EIF2AK4: variants seen among roughly 807,000 people sequenced by gnomAD.
EIF2AK4 encodes the protein eukaryotic translation initiation factor 2 alpha kinase 4, also known as eIF-2-alpha kinase GCN2.
In EIF2AK4, 139 loss-of-function variants were observed where a neutral mutation model predicts 211.1. The ratio of observed to expected loss-of-function variants is 0.66; its 90% CI spans 0.57 to 0.76. EIF2AK4 has a LOEUF of 0.76. Among genes scored for constraint, EIF2AK4 ranks in the 30% least tolerant of loss-of-function variants. EIF2AK4 has a pLI of 0.00. For missense variants in EIF2AK4, 1,664 were observed against 2,043.8 expected (o/e 0.81, Z 3.58); for synonymous variants, 710 against 751.3 (o/e 0.94, Z 0.90).
intron 27 of EIF2AK4, among the ~76,000 whole-genome samples, chr15:40,015,636 G>A (rs1287885035): frequency 3.9e-5 from 6 of 152,096 alleles, no homozygotes. Flanking sequence ...AAGATTATAG[G>A]AGGTTTTAAC....
chr15:39,953,834 G>A (rs1325373644), intron 4 of EIF2AK4, 70 bp from the exon 5 acceptor site: 3 of 1,452,786 alleles, frequency 2.1e-6, no homozygotes, highest in African/African-American at 2.8e-5. Context: ...AGATTTTTCT[G>A]TAGTTCCATA....
Position 39,955,676 on chromosome 15 carries a change from A to T in EIF2AK4, c.651A>T (p.Pro217=), listed in dbSNP as rs763425321. 24 of 1,613,286 alleles carry T rather than the reference A, an allele frequency of 1.5e-5. No homozygotes were observed. The highest frequency in any genetic ancestry group is 1.9e-5 in the Non-Finnish European group (22 of 1,179,808). ...AAGATCATACCTCTAAGAAGGACCCAGGAGGACACAGAACGGCTGCCATTC... is the reference window on the plus strand; with the variant it reads ...AAGATCATACCTCTAAGAAGGACCCTGGAGGACACAGAACGGCTGCCATTC... The part of the protein sequence containing the change: ...SNQDHTSKKD[P]GGHRTAAILH... Residue 217 remains proline, a synonymous_variant, in exon 6 of 39, where the codon CCA becomes CCT. Transcript: ENST00000263791.
chr15:39,952,812 A>G (rs2034338163), intron 4 of EIF2AK4, among the ~76,000 whole-genome samples: 1 of 151,816 alleles, frequency 6.6e-6, no homozygotes. Context: ...TAGCCTAGTT[A>G]TTGTTGGGAG....
In EIF2AK4 at chr15:40,011,294, C is replaced by T. The variant is rs372621513; in HGVS notation, c.3707C>T (p.Thr1236Met). The T allele has an allele frequency of 1.3e-4, 215 of 1,613,732 alleles. 2 individuals are homozygous for T. The South Asian group carries it at 1.7e-3, about 12-fold the overall frequency. ...CTTCCACGTTAGACAGAGAAGCTGA[C>T]GAGGAGAGAAGTGGAAGCTAAATTT... Reference protein sequence around the residue: ...ILYDAVTEKLTRREVEAKFCN... With the variant: ...ILYDAVTEKLMRREVEAKFCN... Residue 1236 changes from threonine to methionine, a missense_variant, in exon 27 of 39, where the codon ACG (threonine) becomes ATG (methionine). Thr to Met is a moderately conservative substitution (Grantham distance 81, BLOSUM62 -1). Around this residue, in one of 7 missense-constraint regions of EIF2AK4, gnomAD observed 622 missense variants for 796.8 expected, o/e 0.78. Coordinates refer to ENST00000263791, the MANE Select transcript of EIF2AK4 (RefSeq NM_001013703.4).
chr15:40,010,659 G>T (rs2035223165), intron 26 of EIF2AK4, among the ~76,000 whole-genome samples: 1 of 152,164 alleles, frequency 6.6e-6, no homozygotes, highest in African/African-American at 2.4e-5. Context: ...AGTAGTGGAA[G>T]TCCTCACATA....
At chr15:40,023,016 C>T (rs140665504) in intron 32 of EIF2AK4, among the ~76,000 whole-genome samples, 21 of 152,200 alleles carry the variant, frequency 1.4e-4, no homozygotes, top group East Asian at 5.8e-4. Context: ...GGTCAGCCAC[C>T]GCGCCCGGCC....
At chr15:39,942,679 G>T (rs747990482) in intron 2 of EIF2AK4, among the ~76,000 whole-genome samples, 1 of 152,206 alleles carries the variant, frequency 6.6e-6, no homozygotes, top group African/African-American at 2.4e-5. Context: ...ATGTCCTTGA[G>T]TTGAAAGTGT....
chr15:40,025,307 G>A (rs901827580), intron 32 of EIF2AK4, among the ~76,000 whole-genome samples: 3 of 152,244 alleles, frequency 2.0e-5, no homozygotes, highest in Non-Finnish European at 4.4e-5. Context: ...AGTTATTGGG[G>A]AGGCCCCGAA....
intron 27 of EIF2AK4, among the ~76,000 whole-genome samples, chr15:40,015,124 AAAC>A (rs2035287346): frequency 6.6e-6 from 1 of 152,190 alleles, no homozygotes; most frequent in African/African-American, 2.4e-5. Context: ...AGGAAGTTCC[AAAC>A]TTTCCCCCAT....
chr15:39,943,351 C>CTTTTTTTTTTTTTT, intron 2 of EIF2AK4, 32 bp from the exon 3 acceptor site: 1 of 863,056 alleles, frequency 1.2e-6, no homozygotes, highest in Non-Finnish European at 1.6e-6. Context: ...TGGAGTAACT[C>CTTTTTTTTTTTTTT]TTTTTTTTTT....
At position 39,997,010 on chromosome 15, in the gene EIF2AK4, A is replaced by G. The variant is rs780527946; in HGVS notation, c.2813A>G (p.Tyr938Cys). ...GGAATTATCTTCTTTGAGATGTCCT[A>G]TCACCCCATGGTCACGGCTTCAGAA... ...SLGIIFFEMSYHPMVTASERI... is the reference protein window; with the variant it reads ...SLGIIFFEMSCHPMVTASERI... The change falls in exon 19 of 39, where the codon TAT becomes TGT. Residue 938 changes from tyrosine to cysteine, a missense_variant. Around this residue, in one of 7 missense-constraint regions of EIF2AK4, gnomAD observed 622 missense variants for 796.8 expected, o/e 0.78. Coordinates refer to ENST00000263791, the MANE Select transcript of EIF2AK4 (RefSeq NM_001013703.4). 2 of 1,614,056 alleles carry G rather than the reference A, an allele frequency of 1.2e-6. No individual in the cohort carries two copies. The highest frequency in any genetic ancestry group is 1.7e-6 in the Non-Finnish European group (2 of 1,179,964).
At chr15:39,948,752 T>C (rs2917837) in intron 3 of EIF2AK4, among the ~76,000 whole-genome samples, 37 of 152,382 alleles carry the variant, frequency 2.4e-4, no homozygotes, top group African/African-American at 8.4e-4. Flanking sequence ...GTTGGGAAGA[T>C]AGCTTTTACT....
chr15:39,964,386 G>T (rs1398047954), intron 7 of EIF2AK4, among the ~76,000 whole-genome samples: 2 of 152,134 alleles, frequency 1.3e-5, no homozygotes, highest in South Asian at 2.1e-4. Flanking sequence ...ATATATCGGG[G>T]TTATCAGCTG....
At chr15:39,979,537 C>G (rs1319620806) in intron 13 of EIF2AK4, among the ~76,000 whole-genome samples, 2 of 152,168 alleles carry the variant, frequency 1.3e-5, no homozygotes, top group Non-Finnish European at 2.9e-5. Context: ...AAGAGGGGAG[C>G]TTGTCAAGTG....
chr15:39,996,391 A>T (rs1174218007), intron 18 of EIF2AK4, among the ~76,000 whole-genome samples: 1 of 152,206 alleles, frequency 6.6e-6, no homozygotes, highest in Admixed American at 6.5e-5. Flanking sequence ...CTGTGGATAC[A>T]ACTAAACCAG....
chr15:40,020,058 T>C (rs1334672890), intron 30 of EIF2AK4, among the ~76,000 whole-genome samples: 2 of 151,458 alleles, frequency 1.3e-5, no homozygotes, highest in Non-Finnish European at 2.9e-5. Flanking sequence ...TTCCAGCTAC[T>C]CAGGAGGCTG....
At chr15:39,968,358 A>C (rs995106639) in intron 9 of EIF2AK4, among the ~76,000 whole-genome samples, 3 of 152,190 alleles carry the variant, frequency 2.0e-5, no homozygotes, top group Non-Finnish European at 4.4e-5. Context: ...TAGCCAGAGG[A>C]GTTTCAATAC....
At chr15:39,961,760 G>T in intron 6 of EIF2AK4, 24 bp from the exon 7 acceptor site, 1 of 1,551,940 alleles carries the variant, frequency 6.4e-7, no homozygotes, top group African/African-American at 1.4e-5. Context: ...TTGTTCAAAT[G>T]TATTGTTCAA....
rs1595403919 is a variant in EIF2AK4, at chr15:39,976,520, G to A, written c.1925G>A (p.Arg642Gln). The A allele has an allele frequency of 3.1e-6, 5 of 1,612,796 alleles. No individual in the cohort carries two copies. The South Asian group carries it at 5.5e-5, about 18-fold the overall frequency. Residue 642 changes from arginine to glutamine, a missense_variant, in exon 12 of 39, where the codon CGG becomes CAG. Physicochemically the swap from Arg to Gln is conservative, Grantham distance 43 (BLOSUM62 1). This residue lies in a region of EIF2AK4 where 37 missense variants were observed against 84.0 expected (regional missense o/e 0.44). Transcript: ENST00000263791. ...AAGGGCGAAGTGACACTGCTGTCAC[G>A]GCTGCACCATGAGAACATTGTGCGC... ...RIKGEVTLLS[R>Q]LHHENIVRYY...
Sources: allele counts gnomAD v4.1 joint callset (sites outside exome capture counted in the v4.1 genomes callset), GRCh38; gene constraint gnomAD v4.1.1; regional missense constraint gnomAD v4.1.1; transcripts MANE v1.5; gene names NCBI Gene and HGNC (gene_info 2026-07-23, HGNC 2026-07-21).